Variants in AK9 observed in about 807,000 individuals in gnomAD.
AK9 encodes the protein adenylate kinase domain containing 1.
Under a neutral mutation model 239.6 loss-of-function variants are expected in AK9, and 191 were observed. That is an observed-to-expected ratio of 0.80 (90% confidence interval 0.71 to 0.90). The LOEUF is 0.90. Ranked by LOEUF, AK9 falls within the 40% of genes least tolerant of loss-of-function variation. The pLI is 0.00. For synonymous variants in AK9, 689 were observed against 721.0 expected, an observed-to-expected ratio of 0.96 and a Z score of 0.71; for missense variants, 1,995 against 2,214.7, an observed-to-expected ratio of 0.90 and a Z score of 1.99.
chr6:109,641,352 T>TC (rs201487889), intron 10 of AK9, among the ~76,000 whole-genome samples, 166 bp downstream of exon 10: 29,461 of 126,844 alleles, frequency 0.23, 2,884 homozygotes, highest in East Asian at 0.33. Context: ...TTTCTTTCTT[T>TC]TTTTTTTTTT....
intron 20 of AK9, among the ~76,000 whole-genome samples, chr6:109,573,922 T>C (rs755355460): frequency 6.6e-6 from 1 of 152,184 alleles, no homozygotes; most frequent in Non-Finnish European, 1.5e-5. Context: ...ATCAGCACCA[T>C]TCAATATAGT....
chr6:109,586,493 G>A (rs529927202), intron 17 of AK9, among the ~76,000 whole-genome samples: 1 of 152,238 alleles, frequency 6.6e-6, no homozygotes, highest in East Asian at 1.9e-4. Flanking sequence ...ATTACTCAGA[G>A]GACAGATCAT....
Position 109,542,046 on chromosome 6 carries a change from C to A in AK9, c.3350+1G>T. The stretch of plus-strand genomic sequence containing the variant: ...GTACAATTCTATATAAATTAAGATA[C>A]CGTATTGGTTCCTTAAGCCACCACT... On this transcript the variant is annotated splice_donor_variant, in intron 27 of 40. Coordinates refer to ENST00000424296, the MANE Select transcript of AK9 (RefSeq NM_001145128.3). LOFTEE classifies it high-confidence loss of function. 1.3e-6 allele frequency: 2 copies of A among 1,574,316 alleles called. No homozygotes were observed. The highest frequency in any genetic ancestry group is 1.7e-6 in the Non-Finnish European group (2 of 1,159,646).
chr6:109,563,844 G>A (rs1489295237), intron 23 of AK9, 132 bp from the exon 24 acceptor site: 5 of 1,223,776 alleles, frequency 4.1e-6, no homozygotes, highest in Non-Finnish European at 5.5e-6. Flanking sequence ...TATGCAAATA[G>A]GCCTTTATAA....
At chr6:109,648,756 C>T (rs564381101) in intron 8 of AK9, among the ~76,000 whole-genome samples, 23 of 152,182 alleles carry the variant, frequency 1.5e-4, no homozygotes, top group Non-Finnish European at 3.4e-4. Flanking sequence ...TCAGCATCAT[C>T]CTGATACCAA....
Position 109,585,216 on chromosome 6 carries a change from A to G in AK9, c.2021T>C (p.Ile674Thr). ...AATTTCAGATTTCTTCTGTAAATATATTCTATTAAATAAACATTTTCCTGA... is the reference window on the plus strand; with the variant it reads ...AATTTCAGATTTCTTCTGTAAATATGTTCTATTAAATAAACATTTTCCTGA... ...ENNGKCLFNRIYLQKKSEIDS... is the reference protein window; with the variant it reads ...ENNGKCLFNRTYLQKKSEIDS... Residue 674 changes from isoleucine (I) to threonine (T), a missense_variant, in exon 19 of 41, where the codon ATA becomes ACA. By Grantham distance (89) the Ile-to-Thr change is moderately conservative. Transcript: ENST00000424296. 2 of 920,038 alleles carry G rather than the reference A, an allele frequency of 2.2e-6. No individual in the cohort carries two copies. The highest frequency in any genetic ancestry group is 2.9e-6 in the Non-Finnish European group (2 of 695,958). 57.0% of individuals were successfully genotyped at this position (920,038 alleles called of 1,614,324 possible).
At chr6:109,614,745 C>T (rs1233812113) in intron 13 of AK9, among the ~76,000 whole-genome samples, 1 of 152,130 alleles carries the variant, frequency 6.6e-6, no homozygotes. Context: ...AATGCTGGCA[C>T]ACAGGAAGGC....
At chr6:109,565,075 A>C (rs1219831034) in intron 21 of AK9, among the ~76,000 whole-genome samples, 1 of 152,230 alleles carries the variant, frequency 6.6e-6, no homozygotes, top group Non-Finnish European at 1.5e-5. Context: ...ATAATAATTG[A>C]CACATGGCAC....
chr6:109,609,747 A>G (rs1450362064), intron 17 of AK9, among the ~76,000 whole-genome samples: 2 of 152,230 alleles, frequency 1.3e-5, no homozygotes, highest in Non-Finnish European at 2.9e-5. Flanking sequence ...AAGTTCATCG[A>G]GGGCCTAAAA....
At chr6:109,595,478 T>C (rs2128222800) in intron 17 of AK9, among the ~76,000 whole-genome samples, 1 of 152,316 alleles carries the variant, frequency 6.6e-6, no homozygotes, top group Admixed American at 6.5e-5. Flanking sequence ...AAATACCATT[T>C]GACCCAGCAA....
At chr6:109,543,313 A>G (rs1783121414) in intron 26 of AK9, among the ~76,000 whole-genome samples, 1 of 152,218 alleles carries the variant, frequency 6.6e-6, no homozygotes, top group Non-Finnish European at 1.5e-5. Flanking sequence ...ACCTAAAAAT[A>G]AAATCCCTTA....
intron 21 of AK9, among the ~76,000 whole-genome samples, chr6:109,567,979 A>G (rs1208160475): frequency 6.6e-6 from 1 of 152,150 alleles, no homozygotes; most frequent in Non-Finnish European, 1.5e-5. Context: ...CAACAAAAAA[A>G]GAGAATTTTA....
intron 27 of AK9, among the ~76,000 whole-genome samples, chr6:109,535,715 C>T (rs2128138871): frequency 6.6e-6 from 1 of 152,124 alleles, no homozygotes; most frequent in Non-Finnish European, 1.5e-5. Flanking sequence ...CCTAGGTTTC[C>T]TTCTAGGGTT....
intron 5 of AK9, among the ~76,000 whole-genome samples, chr6:109,671,282 G>A (rs900436922): frequency 2.0e-5 from 3 of 152,110 alleles, no homozygotes; most frequent in Non-Finnish European, 2.9e-5. Context: ...CATTTCAGGT[G>A]GATGATTTTA....
intron 20 of AK9, 101 bp from the exon 21 acceptor site, chr6:109,573,695 C>A: frequency 8.9e-7 from 1 of 1,129,570 alleles, no homozygotes; most frequent in South Asian, 1.7e-5. Context: ...ATGAAATGGT[C>A]CCTGCCCTCC....
chr6:109,546,656 G>A (rs1783605430), intron 25 of AK9, among the ~76,000 whole-genome samples: 1 of 152,184 alleles, frequency 6.6e-6, no homozygotes, highest in Non-Finnish European at 1.5e-5. Flanking sequence ...AAATTAGTAG[G>A]TGACAGCAGC....
chr6:109,557,552 C>T lies in AK9; in HGVS notation c.2751+6045G>A, dbSNP rs914281879. On this transcript the variant is annotated intron_variant, in intron 24 of 40. Transcript: ENST00000424296. ...GTATGTTTTGCTGAAGGGAAACCCACTCATCTGGGCTGCCTGGATTCCTCA... is the reference window on the plus strand; with the variant it reads ...GTATGTTTTGCTGAAGGGAAACCCATTCATCTGGGCTGCCTGGATTCCTCA... 2.6e-5 allele frequency among the ~76,000 whole-genome samples: 4 copies of T among 152,196 alleles called. No homozygotes were observed. In the East Asian group the frequency reaches 7.7e-4, roughly 29 times the overall value.
intron 13 of AK9, among the ~76,000 whole-genome samples, chr6:109,615,588 T>C (rs1794087795): frequency 6.6e-6 from 1 of 152,178 alleles, no homozygotes; most frequent in Non-Finnish European, 1.5e-5. Flanking sequence ...ACCATTTGGA[T>C]GGCATGCAAT....
intron 27 of AK9, among the ~76,000 whole-genome samples, chr6:109,536,479 C>T (rs921803639): frequency 3.9e-5 from 6 of 152,174 alleles, no homozygotes; most frequent in Non-Finnish European, 7.3e-5. Flanking sequence ...GCTGAAGTTG[C>T]TTATCAGCTT....
Sources: gnomAD v4.1 joint callset for allele counts (sites outside exome capture counted in the v4.1 genomes callset) on GRCh38, gnomAD v4.1.1 for gene constraint, MANE v1.5 for transcripts, NCBI Gene and HGNC (gene_info 2026-07-23, HGNC 2026-07-21) for gene names.